The following MYO3A variants were observed in gnomAD, a reference collection of about 807,000 sequenced individuals.
MYO3A encodes the protein myosin-IIIa.
Under a neutral mutation model 192.7 loss-of-function variants are expected in MYO3A, and 180 were observed. The ratio of observed to expected loss-of-function variants is 0.93; its 90% CI spans 0.83 to 1.06. The LOEUF is 1.06. MYO3A is among the 50% of genes least tolerant of loss of function. The pLI is 0.00. For synonymous variants in MYO3A, 628 were observed against 645.3 expected (o/e 0.97, Z 0.41); for missense variants, 1,896 against 1,905.0 (o/e 1.00, Z 0.09).
intron 7 of MYO3A, among the ~76,000 whole-genome samples, chr10:26,020,683 T>C (rs926309249): frequency 1.2e-4 from 18 of 152,240 alleles, no homozygotes; most frequent in Non-Finnish European, 2.5e-4. Context: ...TGAATTTCCT[T>C]TTTGTGTTTA....
At chr10:26,109,790 C>G (rs1838047107) in intron 17 of MYO3A, among the ~76,000 whole-genome samples, 1 of 152,148 alleles carries the variant, frequency 6.6e-6, no homozygotes, top group Non-Finnish European at 1.5e-5. Flanking sequence ...TTTAGAATCT[C>G]TCATTGAATT....
At chr10:26,051,294 G>A (rs1369362870) in intron 10 of MYO3A, among the ~76,000 whole-genome samples, 1 of 152,074 alleles carries the variant, frequency 6.6e-6, no homozygotes, top group Non-Finnish European at 1.5e-5. Flanking sequence ...AAAAATTGGA[G>A]ATTAGAAAGA....
intron 4 of MYO3A, among the ~76,000 whole-genome samples, chr10:25,993,378 C>A (rs923514527): frequency 2.6e-5 from 4 of 152,228 alleles, no homozygotes; most frequent in East Asian, 3.9e-4. Context: ...TTTTTTATTG[C>A]ATCTGTTTGA....
chr10:25,981,367 A>G (rs568158424), intron 4 of MYO3A, among the ~76,000 whole-genome samples: 2 of 152,342 alleles, frequency 1.3e-5, no homozygotes, highest in East Asian at 3.9e-4. Context: ...TAAGGAAATT[A>G]CAGGAGAAAA....
chr10:26,139,386 T>G (rs10082469), intron 20 of MYO3A, among the ~76,000 whole-genome samples: 1 of 151,872 alleles, frequency 6.6e-6, no homozygotes, highest in African/African-American at 2.4e-5. Context: ...ATTACAGGTA[T>G]GAGCCACCAC....
intron 5 of MYO3A, 57 bp downstream of exon 5, chr10:25,996,651 G>A (rs1776946446): frequency 3.6e-6 from 5 of 1,407,746 alleles, no homozygotes; most frequent in African/African-American, 1.4e-5. Flanking sequence ...GTTAAAAAAT[G>A]TAGATCCTAT....
At chr10:25,947,049 G>A (rs888817727) in intron 2 of MYO3A, among the ~76,000 whole-genome samples, 1 of 151,680 alleles carries the variant, frequency 6.6e-6, no homozygotes, top group Non-Finnish European at 1.5e-5. Flanking sequence ...CTCTCATAAT[G>A]TATATATTGG....
intron 10 of MYO3A, among the ~76,000 whole-genome samples, chr10:26,039,538 T>C (rs923115298): frequency 6.6e-6 from 1 of 152,110 alleles, no homozygotes; most frequent in Non-Finnish European, 1.5e-5. Flanking sequence ...CTGGGAGACT[T>C]TTTATGACGG....
At chr10:26,097,120 A>G (rs1837087220) in intron 17 of MYO3A, among the ~76,000 whole-genome samples, 1 of 152,016 alleles carries the variant, frequency 6.6e-6, no homozygotes. Context: ...CATGACCATA[A>G]TCATTTTTAG....
In MYO3A at chr10:26,212,388, C is replaced by A; in HGVS notation, c.*425C>A. The A allele has an allele frequency of 3.0e-6, 1 of 328,332 alleles. No homozygotes were observed. The highest frequency in any genetic ancestry group is 4.8e-5 in the Admixed American group (1 of 20,668). 20.3% of individuals were successfully genotyped at this position (328,332 alleles called of 1,614,324 possible). A position where few individuals can be genotyped will look rare whatever the true frequency, so the allele number is the denominator to read the frequency against. On this transcript the variant is annotated 3_prime_UTR_variant, in exon 35 of 35. Transcript: ENST00000642920. ...ATTGGAAACGGCTTTTCTTGGCCAACAGAACACTTGCTAGCGGTTGAATCT... is the reference window on the plus strand; with the variant it reads ...ATTGGAAACGGCTTTTCTTGGCCAAAAGAACACTTGCTAGCGGTTGAATCT...
intron 17 of MYO3A, among the ~76,000 whole-genome samples, chr10:26,111,379 T>C (rs144240449): frequency 4.8e-4 from 73 of 152,318 alleles, no homozygotes; most frequent in African/African-American, 1.6e-3. Flanking sequence ...CTAATTCTGA[T>C]GTCCCAGGCA....
intron 31 of MYO3A, among the ~76,000 whole-genome samples, chr10:26,185,329 C>CTTTTTTTT (rs61581382): frequency 1.4e-4 from 9 of 63,878 alleles, no homozygotes; most frequent in South Asian, 6.7e-4. Flanking sequence ...TTCCAGGATT[C>CTTTTTTTT]TTTTTTTTTT....
intron 4 of MYO3A, among the ~76,000 whole-genome samples, chr10:25,985,135 G>A (rs1168582908): frequency 6.6e-6 from 1 of 151,872 alleles, no homozygotes; most frequent in East Asian, 1.9e-4. Flanking sequence ...CTACTTGGGA[G>A]GCTGAGGCAG....
At chr10:26,149,655 T>C (rs1203103548) in intron 23 of MYO3A, among the ~76,000 whole-genome samples, 1 of 152,204 alleles carries the variant, frequency 6.6e-6, no homozygotes, top group Non-Finnish European at 1.5e-5. Flanking sequence ...AAATTGTGTT[T>C]ATTGTATACA....
intron 10 of MYO3A, among the ~76,000 whole-genome samples, chr10:26,045,913 G>A (rs935721854): frequency 2.0e-5 from 3 of 152,140 alleles, no homozygotes; most frequent in Non-Finnish European, 4.4e-5. Context: ...AGAGGACAGG[G>A]TATGGAGAAC....
intron 6 of MYO3A, among the ~76,000 whole-genome samples, chr10:26,009,074 T>G (rs1020184609): frequency 1.4e-4 from 22 of 151,956 alleles, no homozygotes; most frequent in Non-Finnish European, 1.3e-4. Flanking sequence ...CATGTCCTTT[T>G]TAGGGACGTG....
At chr10:26,105,322 C>T (rs1837729644) in intron 17 of MYO3A, among the ~76,000 whole-genome samples, 1 of 152,112 alleles carries the variant, frequency 6.6e-6, no homozygotes, top group Admixed American at 6.5e-5. Context: ...TTCACATTTC[C>T]ACCAACAATA....
At chr10:26,191,128 A>G (rs1254932544) in intron 31 of MYO3A, among the ~76,000 whole-genome samples, 3 of 152,222 alleles carry the variant, frequency 2.0e-5, no homozygotes, top group African/African-American at 7.2e-5. Flanking sequence ...CCATATTTTT[A>G]TGTTTCTTGC....
chr10:26,118,356 T>A (rs918736223), intron 17 of MYO3A, among the ~76,000 whole-genome samples: 3 of 152,210 alleles, frequency 2.0e-5, no homozygotes, highest in African/African-American at 7.2e-5. Context: ...AGAAAAATGA[T>A]CTACATCTAA....
Sources: gnomAD v4.1 joint callset for allele counts (sites outside exome capture counted in the v4.1 genomes callset) on GRCh38, gnomAD v4.1.1 for gene constraint, MANE v1.5 for transcripts, NCBI Gene and HGNC (gene_info 2026-07-23, HGNC 2026-07-21) for gene names.